The following SEMA6D variants were observed in gnomAD, a reference collection of about 807,000 sequenced individuals.
SEMA6D encodes semaphorin 6D, also known as semaphorin-6D.
SEMA6D carries 35 observed loss-of-function variants against 106.6 expected under a neutral mutation model. The observed-to-expected ratio is 0.33, with a 90% CI of 0.25 to 0.44. SEMA6D has a LOEUF of 0.44. SEMA6D is among the 20% of genes least tolerant of loss of function. The probability of loss-of-function intolerance (pLI) is 1.00; values close to 1 mark genes in which losing one functional copy is unlikely to be tolerated. For missense variants in SEMA6D, 1,185 were observed against 1,345.9 expected (o/e 0.88, Z 1.87); for synonymous variants, 499 against 487.7 (o/e 1.02, Z -0.31).
intron 1 of SEMA6D, among the ~76,000 whole-genome samples, chr15:47,743,035 C>G (rs990772684): frequency 6.6e-6 from 1 of 152,118 alleles, no homozygotes; most frequent in African/African-American, 2.4e-5. Context: ...CTATGCCTCC[C>G]CAGGATGCCT....
chr15:47,404,832 A>G (rs2040507923), intron 1 of SEMA6D, among the ~76,000 whole-genome samples: 1 of 152,164 alleles, frequency 6.6e-6, no homozygotes, highest in African/African-American at 2.4e-5. Flanking sequence ...CTCAGTGTAA[A>G]GGATAAAAAG....
At chr15:47,501,272 C>T (rs2043839960) in intron 3 of SEMA6D, among the ~76,000 whole-genome samples, 1 of 152,182 alleles carries the variant, frequency 6.6e-6, no homozygotes, top group Admixed American at 6.6e-5. Context: ...GGAATTTTCC[C>T]TTCCCATCAA....
intron 3 of SEMA6D, among the ~76,000 whole-genome samples, chr15:47,499,900 A>G (rs1265923055): frequency 6.6e-6 from 1 of 151,968 alleles, no homozygotes; most frequent in South Asian, 2.1e-4. Flanking sequence ...CAGTGCTTAA[A>G]GGCAATACCA....
intron 1 of SEMA6D, among the ~76,000 whole-genome samples, chr15:47,262,539 A>G (rs1443731649): frequency 6.6e-6 from 1 of 152,060 alleles, no homozygotes; most frequent in African/African-American, 2.4e-5. Flanking sequence ...TCACAAGAAT[A>G]GCATGGGGGA....
chr15:47,437,136 C>T (rs1433517933), intron 2 of SEMA6D, among the ~76,000 whole-genome samples: 1 of 151,990 alleles, frequency 6.6e-6, no homozygotes, highest in Non-Finnish European at 1.5e-5. Context: ...AGTTTCCATT[C>T]CTCACCATGA....
chr15:47,339,967 G>A (rs1175364288), intron 1 of SEMA6D, among the ~76,000 whole-genome samples: 5 of 152,132 alleles, frequency 3.3e-5, no homozygotes, highest in African/African-American at 1.2e-4. Context: ...GAGAGTGTGG[G>A]GAATTGGAAG....
At position 47,686,646 on chromosome 15, in the gene SEMA6D, C is replaced by G. The variant is rs190267127; in HGVS notation, c.-54-73099C>G. On this transcript the variant is annotated intron_variant, in intron 4 of 19. Transcript: ENST00000558014. ...CTTCCTGGTCACCCACCCTCTCGGG[C>G]CCTCCAACACTCCAATCATGCATAT... Among the ~76,000 whole-genome samples, 319 of 152,316 alleles carry G rather than the reference C, an allele frequency of 2.1e-3. 1 individual carries two copies. The highest frequency in any genetic ancestry group is 7.5e-3 in the African/African-American group (312 of 41,568).
intron 2 of SEMA6D, among the ~76,000 whole-genome samples, chr15:47,465,590 G>A (rs1010518172): frequency 2.0e-5 from 3 of 152,124 alleles, no homozygotes; most frequent in African/African-American, 7.2e-5. Flanking sequence ...TTGTGGGGGC[G>A]GACTTTTTCC....
chr15:47,456,503 G>A (rs922156759), intron 2 of SEMA6D, among the ~76,000 whole-genome samples: 2 of 151,888 alleles, frequency 1.3e-5, no homozygotes, highest in African/African-American at 2.4e-5. Flanking sequence ...TAGAGCTGCC[G>A]CTAGAATTTC....
intron 1 of SEMA6D, among the ~76,000 whole-genome samples, chr15:47,367,047 C>A (rs1368732308): frequency 6.6e-6 from 1 of 152,214 alleles, no homozygotes; most frequent in East Asian, 1.9e-4. Context: ...TATTTAGCCT[C>A]TGTTTACATC....
At chr15:47,404,258 A>C (rs1400948659) in intron 1 of SEMA6D, among the ~76,000 whole-genome samples, 2 of 152,188 alleles carry the variant, frequency 1.3e-5, no homozygotes, top group East Asian at 1.9e-4. Context: ...CAAGAAGTGG[A>C]AGGGGTTAAG....
intron 3 of SEMA6D, among the ~76,000 whole-genome samples, chr15:47,498,462 TTGAA>T (rs1210695366): frequency 3.3e-5 from 5 of 152,238 alleles, no homozygotes; most frequent in Middle Eastern, 6.8e-3. Context: ...GGAGATATAT[TTGAA>T]TGGGAAAGAG....
chr15:47,720,915 C>T (rs947239761), intron 1 of SEMA6D, among the ~76,000 whole-genome samples: 2 of 152,140 alleles, frequency 1.3e-5, no homozygotes, highest in Non-Finnish European at 2.9e-5. Context: ...GTAGTGTAAC[C>T]GTAGGAGGTG....
At position 47,686,642 on chromosome 15, in the gene SEMA6D, C is replaced by T. The variant is rs75613992; in HGVS notation, c.-54-73103C>T. Among the ~76,000 whole-genome samples, 483 of 152,322 alleles carry T rather than the reference C, an allele frequency of 3.2e-3. 3 individuals are homozygous for T. The highest frequency in any genetic ancestry group is 5.1e-3 in the Non-Finnish European group (346 of 68,032). On this transcript the variant is annotated intron_variant, in intron 4 of 19. Coordinates refer to the SEMA6D transcript ENST00000558014. ...CCTTCTTCCTGGTCACCCACCCTCT[C>T]GGGCCCTCCAACACTCCAATCATGC...
At chr15:47,482,106 C>CT (rs937896494) in intron 3 of SEMA6D, among the ~76,000 whole-genome samples, 1 of 152,070 alleles carries the variant, frequency 6.6e-6, no homozygotes, top group Non-Finnish European at 1.5e-5. Context: ...GATTAAGTCT[C>CT]TAAGGATGGG....
intron 1 of SEMA6D, among the ~76,000 whole-genome samples, chr15:47,743,974 C>T (rs1022242756): frequency 1.3e-5 from 2 of 152,154 alleles, no homozygotes; most frequent in Admixed American, 1.3e-4. Flanking sequence ...ACAGGTGACC[C>T]AGAAGCCTCT....
intron 3 of SEMA6D, among the ~76,000 whole-genome samples, chr15:47,505,822 C>T (rs1482641058): frequency 6.6e-6 from 1 of 152,066 alleles, no homozygotes; most frequent in African/African-American, 2.4e-5. Context: ...ATTCTTGGAG[C>T]TCTTCTGTAG....
intron 4 of SEMA6D, among the ~76,000 whole-genome samples, chr15:47,693,142 C>G (rs1008514889): frequency 6.6e-6 from 1 of 152,144 alleles, no homozygotes; most frequent in East Asian, 1.9e-4. Flanking sequence ...TACAATGGTC[C>G]CTAATCCAGT....
chr15:47,668,745 T>A (rs7175573), intron 4 of SEMA6D, among the ~76,000 whole-genome samples: 6,792 of 152,166 alleles, frequency 0.045, 555 homozygotes, highest in African/African-American at 0.16. Context: ...CTCCCCCTTG[T>A]ACCTGGGGTT....
Sources: gnomAD v4.1 joint callset for allele counts (sites outside exome capture counted in the v4.1 genomes callset) on GRCh38, gnomAD v4.1.1 for gene constraint, MANE v1.5 for transcripts, NCBI Gene and HGNC (gene_info 2026-07-23, HGNC 2026-07-21) for gene names.